POT1: variants seen among roughly 807,000 people sequenced by gnomAD.
POT1 encodes the protein protection of telomeres protein 1.
In POT1, 47 loss-of-function variants were observed where a neutral mutation model predicts 78.5. The ratio of observed to expected loss-of-function variants is 0.60; its 90% CI spans 0.47 to 0.76. The LOEUF is 0.76. Among genes scored for constraint, POT1 ranks in the 30% least tolerant of loss-of-function variants. POT1 has a pLI of 0.00. For synonymous variants in POT1, 259 were observed against 260.7 expected (o/e 0.99, Z 0.06); for missense variants, 646 against 749.9 (o/e 0.86, Z 1.62).
At chr7:124,845,008 T>C (rs1305500285) in intron 12 of POT1, among the ~76,000 whole-genome samples, 1 of 152,182 alleles carries the variant, frequency 6.6e-6, no homozygotes, top group Non-Finnish European at 1.5e-5. Flanking sequence ...ATAAATATTA[T>C]TGAATCATTT....
intron 12 of POT1, among the ~76,000 whole-genome samples, chr7:124,844,788 A>G (rs1197046920): frequency 6.6e-6 from 1 of 150,774 alleles, no homozygotes; most frequent in Non-Finnish European, 1.5e-5. Flanking sequence ...TTTAGTGTAC[A>G]TTGCTACACA....
At chr7:124,832,466 T>C (rs973754656) in intron 15 of POT1, among the ~76,000 whole-genome samples, 1 of 152,018 alleles carries the variant, frequency 6.6e-6, no homozygotes. Flanking sequence ...TAAAAATGTC[T>C]TAAAATCTGG....
At chr7:124,912,586 G>A (rs886942989) in intron 3 of POT1, among the ~76,000 whole-genome samples, 1 of 151,700 alleles carries the variant, frequency 6.6e-6, no homozygotes, top group South Asian at 2.1e-4. Context: ...TACTTTTTTT[G>A]GTTTATTGTC....
chr7:124,859,038 T>C lies in POT1; in HGVS notation c.621A>G (p.Leu207=). 6.2e-7 allele frequency: 1 copy of C among 1,610,914 alleles called. No individual in the cohort carries two copies. Among genetic ancestry groups the C allele is most frequent in the Non-Finnish European group, 8.5e-7 (1 of 1,177,770 alleles). Residue 207 remains leucine, a synonymous_variant, in exon 9 of 19, where the codon TTA becomes TTG. Coordinates refer to ENST00000357628, the MANE Select transcript of POT1 (RefSeq NM_015450.3). Reference sequence around the variant, plus strand: ...GATTTTGTAGCCGATGGATGTGACTTAAATCACCTTCAAGAACAAGGTCTT... The same window carrying C: ...GATTTTGTAGCCGATGGATGTGACTCAAATCACCTTCAAGAACAAGGTCTT... The part of the protein sequence containing the change: ...LIQDLVLEGD[L]SHIHRLQNLT...
chr7:124,910,667 A>T (rs1230222409), intron 3 of POT1, among the ~76,000 whole-genome samples: 1 of 152,022 alleles, frequency 6.6e-6, no homozygotes, highest in Non-Finnish European at 1.5e-5. Flanking sequence ...TAAACAAAGG[A>T]TAGGAAAAGA....
Position 124,823,996 on chromosome 7 carries a change from A to G in POT1, c.1871T>C (p.Ile624Thr), listed in dbSNP as rs1554414645. 1 of 1,604,370 alleles carries G rather than the reference A, an allele frequency of 6.2e-7. No homozygotes were observed. The highest frequency in any genetic ancestry group is 8.5e-7 in the Non-Finnish European group (1 of 1,172,398). ...NGTDNQICYQ[I>T]FDTTVAEDVI ...ATCTTCTGCAACTGTGGTGTCAAAA[A>G]TCTGATAGCAAATTTGATTATCTGT... Residue 624 changes from isoleucine (I) to threonine (T), a missense_variant, in exon 19 of 19, where the codon ATT (isoleucine) becomes ACT (threonine). Coordinates refer to ENST00000357628, the MANE Select transcript of POT1 (RefSeq NM_015450.3).
Position 124,888,741 on chromosome 7 carries a change from A to T in POT1, c.124+3525T>A, listed in dbSNP as rs564498440. Among the ~76,000 whole-genome samples, 20 of 151,992 alleles carry T rather than the reference A, an allele frequency of 1.3e-4. No homozygotes were observed. In the South Asian group the frequency reaches 4.1e-3, roughly 32 times the overall value. ...TCCTCACAATACTTCAGACTTTCCC[A>T]TTTTCACTGTATCTGTTATGGTGAT... On this transcript the variant is annotated intron_variant, in intron 6 of 18. Coordinates refer to ENST00000357628, the MANE Select transcript of POT1 (RefSeq NM_015450.3).
intron 15 of POT1, among the ~76,000 whole-genome samples, chr7:124,832,988 A>G (rs984741893): frequency 4.6e-5 from 7 of 152,164 alleles, no homozygotes; most frequent in African/African-American, 7.2e-5. Flanking sequence ...AAGGGGAAAG[A>G]ACAAAAGCAA....
chr7:124,921,839 A>AAAAAG (rs1433081827), intron 2 of POT1, among the ~76,000 whole-genome samples: 1 of 152,114 alleles, frequency 6.6e-6, no homozygotes, highest in East Asian at 1.9e-4. Flanking sequence ...TGGCATCCCA[A>AAAAAG]AAAAGAGAAA....
chr7:124,847,495 AAAC>A (rs1266992609), intron 11 of POT1, among the ~76,000 whole-genome samples: 1 of 152,240 alleles, frequency 6.6e-6, no homozygotes, highest in African/African-American at 2.4e-5. Context: ...CTCTGCCTCA[AAAC>A]AACAACAAAC....
chr7:124,871,561 A>G (rs1795869194), intron 6 of POT1, among the ~76,000 whole-genome samples: 1 of 152,054 alleles, frequency 6.6e-6, no homozygotes, highest in South Asian at 2.1e-4. Context: ...CAAAAACTCA[A>G]AAGAGAAAAT....
intron 8 of POT1, among the ~76,000 whole-genome samples, chr7:124,859,505 A>G (rs1795532581): frequency 6.6e-6 from 1 of 152,090 alleles, no homozygotes; most frequent in African/African-American, 2.4e-5. Context: ...ACATTAATCA[A>G]ATTATTTTTA....
In POT1 at chr7:124,824,168, A is replaced by G. The variant is rs1300813264; in HGVS notation, c.1793-94T>C. 4 of 679,904 alleles carry G rather than the reference A, an allele frequency of 5.9e-6. No individual in the cohort carries two copies. The African/African-American group carries it at 7.5e-5, about 13-fold the overall frequency. 42.1% of individuals were successfully genotyped at this position (679,904 alleles called of 1,614,324 possible). A position where few individuals can be genotyped will look rare whatever the true frequency, so the allele number is the denominator to read the frequency against. On this transcript the variant is annotated intron_variant, in intron 18 of 18. Transcript: ENST00000357628. Reference sequence around the variant, plus strand: ...CTAAGCTTACCACTGAGCTAGAAAAATTAACATTTATTTTGGCTTGAAAAG... The same window carrying G: ...CTAAGCTTACCACTGAGCTAGAAAAGTTAACATTTATTTTGGCTTGAAAAG...
intron 3 of POT1, among the ~76,000 whole-genome samples, chr7:124,906,307 C>T (rs1183950078): frequency 6.6e-6 from 1 of 151,938 alleles, no homozygotes; most frequent in Non-Finnish European, 1.5e-5. Context: ...TACTATGCAA[C>T]CGTAAAAAAT....
At chr7:124,856,393 C>T (rs1795447306) in intron 9 of POT1, among the ~76,000 whole-genome samples, 1 of 152,056 alleles carries the variant, frequency 6.6e-6, no homozygotes, top group African/African-American at 2.4e-5. Flanking sequence ...TATTGCATTG[C>T]AGACAAATAA....
chr7:124,897,392 T>C (rs985888335), intron 4 of POT1, among the ~76,000 whole-genome samples, 180 bp from the exon 5 acceptor site: 1 of 93,528 alleles, frequency 1.1e-5, no homozygotes, highest in South Asian at 3.5e-4. Flanking sequence ...CTACAGAAAC[T>C]TAAAAAAAAA....
chr7:124,881,124 T>C (rs933272677), intron 6 of POT1, among the ~76,000 whole-genome samples: 1 of 152,136 alleles, frequency 6.6e-6, no homozygotes, highest in African/African-American at 2.4e-5. Flanking sequence ...GGCGATTTCA[T>C]TGTTCTGCGA....
At chr7:124,917,982 T>C (rs908456868) in intron 2 of POT1, among the ~76,000 whole-genome samples, 1 of 152,088 alleles carries the variant, frequency 6.6e-6, no homozygotes, top group Admixed American at 6.6e-5. Context: ...AGGAACCTCC[T>C]TTCCCAAGGA....
chr7:124,914,814 T>G (rs1796978801), intron 3 of POT1, among the ~76,000 whole-genome samples: 1 of 152,164 alleles, frequency 6.6e-6, no homozygotes, highest in Non-Finnish European at 1.5e-5. Context: ...CATCCACAGA[T>G]TTTTATATCC....
Sources: gnomAD v4.1 joint callset for allele counts (sites outside exome capture counted in the v4.1 genomes callset) on GRCh38, gnomAD v4.1.1 for gene constraint, MANE v1.5 for transcripts, NCBI Gene and HGNC (gene_info 2026-07-23, HGNC 2026-07-21) for gene names.